BRME1: variants seen among roughly 807,000 people sequenced by gnomAD.
The protein encoded by BRME1 is BRCA2 and MEILB2-associating protein 1.
A neutral mutation model predicts 52.6 loss-of-function variants in BRME1; 31 were observed. The observed-to-expected ratio is 0.59, with a 90% CI of 0.44 to 0.80. The LOEUF is 0.80. BRME1 is among the 30% of genes least tolerant of loss of function. The probability of loss-of-function intolerance (pLI) is 0.00; values close to 1 mark genes in which losing one functional copy is unlikely to be tolerated. For synonymous variants in BRME1, 359 were observed against 353.6 expected, an observed-to-expected ratio of 1.02 and a Z score of -0.17; for missense variants, 804 against 860.3, an observed-to-expected ratio of 0.93 and a Z score of 0.82.
At chr19:13,891,135 T>TTTA (rs148642817) in intron 5 of BRME1, among the ~76,000 whole-genome samples, 2,575 of 146,630 alleles carry the variant, frequency 0.018, 30 homozygotes, top group Middle Eastern at 0.043. Flanking sequence ...CAATTTCCTG[T>TTTA]TTATTATTAT....
chr19:13,900,842 TTG>T lies in BRME1; in HGVS notation c.31+4018_31+4019del, dbSNP rs538080386. On this transcript the variant is annotated intron_variant, in intron 2 of 8. Coordinates refer to ENST00000586783, the MANE Select transcript of BRME1 (RefSeq NM_001345843.2). ...ACATGCCACCATGCCCGGCTAATTT[TTG>T]TGTTTTTAGTACAGATGGGGTTTCA... 2.8e-3 allele frequency among the ~76,000 whole-genome samples: 423 copies of T among 152,014 alleles called. 4 individuals are homozygous for T. The highest frequency in any genetic ancestry group is 9.8e-3 in the African/African-American group (408 of 41,482).
Position 13,890,146 on chromosome 19 carries a change from A to T in BRME1, c.710T>A (p.Leu237Gln). ...VPGDGGQKEH[L>Q]PSIDSEGEKP... is the part of the protein sequence containing the mutation. Reference sequence around the variant, plus strand: ...CTCCCCTTCAGAATCAATGCTTGGTAGGTGTTCCTTTTGGCCACCGTCACC... The same window carrying T: ...CTCCCCTTCAGAATCAATGCTTGGTTGGTGTTCCTTTTGGCCACCGTCACC... The change falls in exon 6 of 9, where the codon CTA becomes CAA. Residue 237 changes from leucine (L) to glutamine (Q), a missense_variant. By Grantham distance (113) the Leu-to-Gln change is moderately radical (BLOSUM62 -2). Around this residue, in one of 3 missense-constraint regions of BRME1, gnomAD observed 552 missense variants for 561.1 expected, o/e 0.98. Coordinates refer to ENST00000586783, the MANE Select transcript of BRME1 (RefSeq NM_001345843.2). The T allele has an allele frequency of 6.2e-7, 1 of 1,614,098 alleles. No homozygotes were observed. The highest frequency in any genetic ancestry group is 8.5e-7 in the Non-Finnish European group (1 of 1,180,014).
Position 13,883,430 on chromosome 19 carries a change from G to A in BRME1, c.1764-30C>T. ...CCAGCAGGGAAGGAAATTGAGAGTG[G>A]CCCGACCTCACTGGACTACCAGAGC... On this transcript the variant is annotated intron_variant, in intron 7 of 8. Coordinates refer to ENST00000586783, the MANE Select transcript of BRME1 (RefSeq NM_001345843.2). The surrounding 1 kb of genome is among the most constrained non-coding windows in gnomAD (Gnocchi z 4.2). 1 of 1,489,108 alleles carries A rather than the reference G, an allele frequency of 6.7e-7. No individual in the cohort carries two copies. The highest frequency in any genetic ancestry group is 1.2e-5 in the South Asian group (1 of 83,200). The allele number at this position is 1,489,108 out of a possible 1,614,324, so 92.2% of individuals were successfully genotyped here.
chr19:13,896,253 G>C (rs1436715963), intron 2 of BRME1, among the ~76,000 whole-genome samples: 1 of 150,956 alleles, frequency 6.6e-6, no homozygotes, highest in Non-Finnish European at 1.5e-5. Context: ...CTGGTTGACA[G>C]AGCGAGACTC....
intron 6 of BRME1, among the ~76,000 whole-genome samples, chr19:13,887,785 T>TG (rs1418059811): frequency 1.3e-5 from 2 of 151,802 alleles, no homozygotes; most frequent in South Asian, 2.1e-4. Flanking sequence ...TTTTTTTTTT[T>TG]GAGACAGGGA....
chr19:13,885,875 A>G, intron 7 of BRME1, 86 bp downstream of exon 7: 1 of 1,175,278 alleles, frequency 8.5e-7, no homozygotes, highest in Admixed American at 1.8e-5. Context: ...GGGAGGGAGA[A>G]CTGGGGTCTG....
intron 6 of BRME1, among the ~76,000 whole-genome samples, chr19:13,887,714 C>T (rs1431938279): frequency 6.6e-6 from 1 of 151,946 alleles, no homozygotes; most frequent in Non-Finnish European, 1.5e-5. Flanking sequence ...ACCAGAACTC[C>T]TGCCTTTCCC....
rs1969242360 is a variant in BRME1 at position 13,888,998 on chromosome 19, C to T, written c.1668+190G>A. On this transcript the variant is annotated intron_variant, in intron 6 of 8. Transcript: ENST00000586783. This position sits in a 1 kb window ranked among gnomAD's most constrained non-coding sequence, Gnocchi z 4.1. ...CGACAACCACCAAAAGGCAGGTCTA[C>T]ACTTTCTGGAAAACCACCGACTCCA... 6.6e-6 allele frequency among the ~76,000 whole-genome samples: 1 copy of T among 151,252 alleles called. No individual in the cohort carries two copies. The highest frequency in any genetic ancestry group is 2.1e-4 in the South Asian group (1 of 4,770).
Position 13,893,132 on chromosome 19 carries a change from A to G in BRME1, c.288+10T>C. On this transcript the variant is annotated intron_variant, in intron 4 of 8. Transcript: ENST00000586783. ...GCTTCTATATCCACGAGGCCACAGG[A>G]CGAGCTCACCTGGGAAGGAGGAAGG... is the stretch of plus-strand genomic sequence containing the variant. The G allele has an allele frequency of 3.1e-6, 5 of 1,593,144 alleles. No individual in the cohort carries two copies. Among genetic ancestry groups the G allele is most frequent in the Non-Finnish European group, 4.3e-6 (5 of 1,170,122 alleles).
chr19:13,900,584 A>G (rs1379163421), intron 2 of BRME1, among the ~76,000 whole-genome samples: 1 of 152,258 alleles, frequency 6.6e-6, no homozygotes, highest in Non-Finnish European at 1.5e-5. Context: ...CCACTAAATT[A>G]AAAAGTCATT....
At chr19:13,897,879 A>G (rs1000825751) in intron 2 of BRME1, among the ~76,000 whole-genome samples, 1 of 151,932 alleles carries the variant, frequency 6.6e-6, no homozygotes, top group African/African-American at 2.4e-5. Flanking sequence ...ATTTAAATTA[A>G]ACATTTAAAT....
rs767929226 is a variant in BRME1, at chr19:13,882,798, T to C, written c.*4A>G. 6.4e-5 allele frequency: 104 copies of C among 1,613,480 alleles called. No individual in the cohort carries two copies. The highest frequency in any genetic ancestry group is 7.8e-5 in the Non-Finnish European group (92 of 1,179,858). On this transcript the variant is annotated 3_prime_UTR_variant, in exon 9 of 9. Transcript: ENST00000586783. ...GGCAAAGGAAACACAGACCTCAAAG[T>C]GGCCTACAACTCCCTCCAGGGTGGG...
intron 2 of BRME1, among the ~76,000 whole-genome samples, chr19:13,899,180 G>A (rs1464029741): frequency 9.3e-5 from 13 of 139,826 alleles, no homozygotes; most frequent in Admixed American, 2.3e-4. Context: ...ATGGACTCTC[G>A]CTCTGTTGCC....
chr19:13,895,083 T>C (rs1969781597), intron 3 of BRME1, among the ~76,000 whole-genome samples: 1 of 152,078 alleles, frequency 6.6e-6, no homozygotes, highest in South Asian at 2.1e-4. Context: ...TTTGCAGTGT[T>C]GGCCAGTCTT....
chr19:13,895,450 G>C lies in BRME1; in HGVS notation c.128C>G (p.Pro43Arg), dbSNP rs1487462432. Residue 43 changes from proline (P) to arginine (R), a missense_variant, in exon 3 of 9, where the codon CCT (proline) becomes CGT (arginine). Coordinates refer to ENST00000586783, the MANE Select transcript of BRME1 (RefSeq NM_001345843.2). ...TCCCAATTTGCCCTCTGGCTCCTCAGGGTGATGTAAACAGCCCAACATGGA... is the reference window on the plus strand; with the variant it reads ...TCCCAATTTGCCCTCTGGCTCCTCACGGTGATGTAAACAGCCCAACATGGA... ...QSSMLGCLHH[P>R]EEPEGKLGPV... 1 of 1,614,140 alleles carries C rather than the reference G, an allele frequency of 6.2e-7. No homozygotes were observed. Among genetic ancestry groups the C allele is most frequent in the African/African-American group, 1.3e-5 (1 of 75,032 alleles).
At chr19:13,903,899 G>A (rs1970465594) in intron 2 of BRME1, among the ~76,000 whole-genome samples, 1 of 152,040 alleles carries the variant, frequency 6.6e-6, no homozygotes, top group South Asian at 2.1e-4. Context: ...AAAACACTCA[G>A]CCACATACCG....
intron 7 of BRME1, among the ~76,000 whole-genome samples, 176 bp downstream of exon 7, chr19:13,885,785 G>C (rs542523349): frequency 2.0e-5 from 3 of 152,334 alleles, no homozygotes; most frequent in African/African-American, 7.2e-5. Flanking sequence ...CCCATTCTCT[G>C]CTTTCGGGGA....
chr19:13,891,135 T>TTTTTTTTTTTTTTTTTTTA (rs59151567), intron 5 of BRME1, among the ~76,000 whole-genome samples: 2 of 146,634 alleles, frequency 1.4e-5, no homozygotes, highest in African/African-American at 5.2e-5. Flanking sequence ...CAATTTCCTG[T>TTTTTTTTTTTTTTTTTTTA]TTATTATTAT....
In BRME1 at chr19:13,888,839, C is replaced by T. The variant is rs1969229167; in HGVS notation, c.1668+349G>A. On this transcript the variant is annotated intron_variant, in intron 6 of 8. Transcript: ENST00000586783. This position sits in a 1 kb window ranked among gnomAD's most constrained non-coding sequence, Gnocchi z 4.1. ...CCATCTGTGTCTACCCGCCTCAATA[C>T]ATCCCCTGGGACCCCACGGCCAGGG... Among the ~76,000 whole-genome samples the T allele has an allele frequency of 6.6e-6, 1 of 152,130 alleles. No individual in the cohort carries two copies. Among genetic ancestry groups the T allele is most frequent in the Non-Finnish European group, 1.5e-5 (1 of 68,006 alleles).
Sources: allele counts gnomAD v4.1 joint callset (sites outside exome capture counted in the v4.1 genomes callset), GRCh38; gene constraint gnomAD v4.1.1; regional missense constraint gnomAD v4.1.1; non-coding constraint Gnocchi (gnomAD v3.1); transcripts MANE v1.5; gene names NCBI Gene and HGNC (gene_info 2026-07-23, HGNC 2026-07-21).